The following VEPH1 variants were observed in gnomAD, a reference collection of about 807,000 sequenced individuals.
The protein encoded by VEPH1 is ventricular zone-expressed PH domain-containing protein homolog 1.
VEPH1 carries 80 observed loss-of-function variants against 85.2 expected under a neutral mutation model. The ratio of observed to expected loss-of-function variants is 0.94; its 90% CI spans 0.78 to 1.13. The LOEUF (loss-of-function observed/expected upper bound fraction) is 1.13, where lower values mean the gene tolerates loss of function less well. Ranked by LOEUF, VEPH1 falls within the 50% of genes most tolerant of loss-of-function variation. VEPH1 has a pLI of 0.00. For missense variants in VEPH1, 955 were observed against 980.5 expected (o/e 0.97, Z 0.35); for synonymous variants, 297 against 348.0 (o/e 0.85, Z 1.63).
chr3:157,418,809 T>G (rs1732114018), intron 5 of VEPH1, among the ~76,000 whole-genome samples: 1 of 152,152 alleles, frequency 6.6e-6, no homozygotes, highest in African/African-American at 2.4e-5. Context: ...CCATTGACCT[T>G]CACAGAATTA....
chr3:157,312,927 T>C (rs1253017648), intron 11 of VEPH1, among the ~76,000 whole-genome samples: 1 of 125,310 alleles, frequency 8.0e-6, no homozygotes, highest in African/African-American at 3.3e-5. Flanking sequence ...TTTTTTGAGA[T>C]GGAGTCTCGC....
intron 9 of VEPH1, among the ~76,000 whole-genome samples, chr3:157,349,840 G>A (rs1724665298): frequency 6.6e-6 from 1 of 152,060 alleles, no homozygotes; most frequent in Non-Finnish European, 1.5e-5. Context: ...CTTCTACAAG[G>A]AAAACTACAA....
chr3:157,303,806 C>A (rs1719106819), intron 11 of VEPH1, among the ~76,000 whole-genome samples: 2 of 151,946 alleles, frequency 1.3e-5, no homozygotes, highest in South Asian at 4.1e-4. Context: ...TAGAAACTGC[C>A]TGTCAGATTT....
chr3:157,265,095 A>T (rs1050129008), intron 13 of VEPH1, among the ~76,000 whole-genome samples: 21 of 152,216 alleles, frequency 1.4e-4, no homozygotes, highest in Non-Finnish European at 1.9e-4. Context: ...TGTTGACTAT[A>T]AAAAGTACCT....
rs750327217 is a variant in VEPH1, at chr3:157,495,335, G to T, written c.15C>A (p.Phe5Leu). The T allele has an allele frequency of 6.2e-7, 1 of 1,613,996 alleles. No individual in the cohort carries two copies. The highest frequency in any genetic ancestry group is 8.5e-7 in the Non-Finnish European group (1 of 1,179,890). The part of the protein sequence containing the change: MHQL[F>L]RLVLGQKDLS... ...GATCTTTTTGTCCCAAAACCAGTCT[G>T]AACAGTTGATGCATGGTGAGGATGA... The change falls in exon 2 of 14, where the codon TTC (phenylalanine) becomes TTA (leucine). Residue 5 changes from phenylalanine to leucine, a missense_variant. Phe to Leu is a conservative substitution (Grantham distance 22). Transcript: ENST00000362010.
chr3:157,478,263 G>A (rs1737680652), intron 2 of VEPH1, among the ~76,000 whole-genome samples: 1 of 152,126 alleles, frequency 6.6e-6, no homozygotes, highest in Non-Finnish European at 1.5e-5. Context: ...TGAGAGATTA[G>A]TTGAGGCCTT....
In VEPH1 at chr3:157,459,489, C is replaced by T. The variant is rs6791497; in HGVS notation, c.529+692G>A. On this transcript the variant is annotated intron_variant, in intron 4 of 13. Transcript: ENST00000362010. Reference sequence around the variant, plus strand: ...TGAGATACTCATGGGCCTCATGCATCTTTATTAATGAGAAATGGGGACATT... The same window carrying T: ...TGAGATACTCATGGGCCTCATGCATTTTTATTAATGAGAAATGGGGACATT... 0.012 allele frequency: 7,114 copies of T among 576,968 alleles called. 461 individuals are homozygous for T. In the African/African-American group the frequency reaches 0.14, roughly 11 times the overall value. 35.7% of individuals were successfully genotyped at this position (576,968 alleles called of 1,614,324 possible). A position where few individuals can be genotyped will look rare whatever the true frequency, so the allele number is the denominator to read the frequency against.
chr3:157,355,521 A>G (rs1725326694), intron 9 of VEPH1, among the ~76,000 whole-genome samples: 1 of 152,216 alleles, frequency 6.6e-6, no homozygotes, highest in Non-Finnish European at 1.5e-5. Context: ...TTGAGCACAA[A>G]TACCAGCTAA....
rs1261316415 is a variant in VEPH1, at chr3:157,413,924, C to T, written c.863G>A (p.Gly288Glu). 6.2e-7 allele frequency: 1 copy of T among 1,613,634 alleles called. No individual in the cohort carries two copies. The highest frequency in any genetic ancestry group is 2.2e-5 in the East Asian group (1 of 44,854). ...EIGERFPYLT[G>E]QMARIYGAVG... The stretch of plus-strand genomic sequence containing the variant: ...AGCTCCATAAATCCTTGCCATCTGT[C>T]CAGTGAGGTAGGGGAATCTCTCACC... The change falls in exon 6 of 14, where the codon GGA becomes GAA. Residue 288 changes from glycine to glutamate, a missense_variant. By Grantham distance (98) the Gly-to-Glu change is moderately conservative. Coordinates refer to ENST00000362010, the MANE Select transcript of VEPH1 (RefSeq NM_001167912.2).
At chr3:157,481,486 ACAATCCTAAGC>A (rs1738088806) in intron 2 of VEPH1, among the ~76,000 whole-genome samples, 75 of 78,866 alleles carry the variant, frequency 9.5e-4, no homozygotes, top group Non-Finnish European at 1.1e-3. Context: ...AAAAAAAAAA[ACAATCCTAAGC>A]AAAAAGAACA....
intron 6 of VEPH1, among the ~76,000 whole-genome samples, chr3:157,383,661 C>T (rs558856788): frequency 2.0e-4 from 30 of 152,142 alleles, no homozygotes; most frequent in Admixed American, 5.2e-4. Flanking sequence ...TTTTTTAAAC[C>T]CCACTAGGGC....
chr3:157,417,890 T>C (rs777514916), intron 5 of VEPH1, among the ~76,000 whole-genome samples: 3 of 152,166 alleles, frequency 2.0e-5, no homozygotes, highest in Non-Finnish European at 4.4e-5. Context: ...GTTTGGACTC[T>C]GTAGAGAAAA....
rs1739590271 is a variant in VEPH1, at chr3:157,495,422, A to G, written c.-73T>C. The G allele has an allele frequency of 2.5e-6, 4 of 1,573,556 alleles. No individual in the cohort carries two copies. Among genetic ancestry groups the G allele is most frequent in the Non-Finnish European group, 3.4e-6 (4 of 1,162,258 alleles). ...GTGTTCCAGTTATCAGAGGTCAGTA[A>G]GACAAAAACATGTAGAAGGAGGTAT... On this transcript the variant is annotated 5_prime_UTR_variant, in exon 2 of 14. Transcript: ENST00000362010.
chr3:157,444,596 T>G (rs540093337), intron 4 of VEPH1, among the ~76,000 whole-genome samples: 30 of 152,274 alleles, frequency 2.0e-4, no homozygotes, highest in Admixed American at 1.8e-3. Flanking sequence ...ATTGTCTATA[T>G]GACTTGAACT....
chr3:157,436,842 A>T, intron 4 of VEPH1: 1 of 1,431,816 alleles, frequency 7.0e-7, no homozygotes, highest in Non-Finnish European at 9.5e-7. Flanking sequence ...TCTCTGCTCC[A>T]GCCTCTCACT....
chr3:157,423,574 G>A (rs942943283), intron 5 of VEPH1, among the ~76,000 whole-genome samples: 2 of 152,164 alleles, frequency 1.3e-5, no homozygotes, highest in Admixed American at 1.3e-4. Context: ...CATTCTTCAG[G>A]ATATGGCCTG....
At chr3:157,423,198 A>G (rs1217650374) in intron 5 of VEPH1, among the ~76,000 whole-genome samples, 3 of 152,212 alleles carry the variant, frequency 2.0e-5, no homozygotes, top group Non-Finnish European at 2.9e-5. Flanking sequence ...TAAGAGTCCT[A>G]TGTACCTTAA....
chr3:157,411,622 A>G (rs1731537160), intron 6 of VEPH1, among the ~76,000 whole-genome samples: 1 of 152,192 alleles, frequency 6.6e-6, no homozygotes, highest in Non-Finnish European at 1.5e-5. Context: ...ATTATTTAAA[A>G]GCTCCTCACG....
At chr3:157,409,885 T>C in intron 6 of VEPH1, 2 of 985,410 alleles carry the variant, frequency 2.0e-6, no homozygotes, top group Non-Finnish European at 2.4e-6. Context: ...TCTGCTCTTC[T>C]TAAAGATCAA....
Sources: gnomAD v4.1 joint callset for allele counts (sites outside exome capture counted in the v4.1 genomes callset) on GRCh38, gnomAD v4.1.1 for gene constraint, MANE v1.5 for transcripts, NCBI Gene and HGNC (gene_info 2026-07-23, HGNC 2026-07-21) for gene names.